The following CDH10 variants were observed in gnomAD, a reference collection of about 807,000 sequenced individuals.
The protein encoded by CDH10 is cadherin 10.
A neutral mutation model predicts 73.1 loss-of-function variants in CDH10; 30 were observed. That is an observed-to-expected ratio of 0.41 (90% CI 0.31 to 0.56). The LOEUF is 0.56. CDH10 is among the 20% of genes least tolerant of loss of function. CDH10 has a pLI of 0.27. For synonymous variants in CDH10, 345 were observed against 348.2 expected, an observed-to-expected ratio of 0.99 and a Z score of 0.10; for missense variants, 815 against 973.7, an observed-to-expected ratio of 0.84 and a Z score of 2.17.
chr5:24,634,905 T>A (rs1289520541), intron 1 of CDH10, among the ~76,000 whole-genome samples: 3 of 151,710 alleles, frequency 2.0e-5, no homozygotes, highest in Non-Finnish European at 4.4e-5. Flanking sequence ...CATATAAATG[T>A]ATATTTTATG....
chr5:24,546,836 T>C (rs963928150), intron 2 of CDH10, among the ~76,000 whole-genome samples: 1 of 152,136 alleles, frequency 6.6e-6, no homozygotes, highest in Admixed American at 6.6e-5. Flanking sequence ...TTATCTATTT[T>C]ATTTATTTAT....
chr5:24,546,859 A>G (rs948156217), intron 2 of CDH10, among the ~76,000 whole-genome samples: 5 of 152,266 alleles, frequency 3.3e-5, no homozygotes, highest in Admixed American at 6.5e-5. Context: ...AAGAAAATGG[A>G]CATCAGAGCC....
At chr5:24,519,419 G>T (rs1369360228) in intron 5 of CDH10, among the ~76,000 whole-genome samples, 12 of 152,086 alleles carry the variant, frequency 7.9e-5, no homozygotes, top group Non-Finnish European at 1.3e-4. Flanking sequence ...AAGACAATGT[G>T]CAGAAAGTTA....
intron 2 of CDH10, among the ~76,000 whole-genome samples, chr5:24,567,213 A>T: frequency 6.6e-6 from 1 of 152,100 alleles, no homozygotes; most frequent in Non-Finnish European, 1.5e-5. Flanking sequence ...ATTATCTAGG[A>T]CACTGACTAA....
intron 9 of CDH10, 74 bp downstream of exon 9, chr5:24,498,324 C>A (rs1220251460): frequency 2.1e-6 from 2 of 958,152 alleles, no homozygotes; most frequent in East Asian, 2.4e-5. Context: ...ATTCTTTCCT[C>A]TCAGGATTTT....
At chr5:24,605,712 G>C (rs1005872184) in intron 1 of CDH10, among the ~76,000 whole-genome samples, 11 of 152,130 alleles carry the variant, frequency 7.2e-5, no homozygotes, top group African/African-American at 2.7e-4. Flanking sequence ...TCCTACCCTA[G>C]GTACTTGTTG....
intron 7 of CDH10, among the ~76,000 whole-genome samples, chr5:24,507,459 T>A (rs2111738593): frequency 6.6e-6 from 1 of 151,666 alleles, no homozygotes; most frequent in East Asian, 1.9e-4. Flanking sequence ...TAGACTTGCA[T>A]CCTCATTAAC....
intron 2 of CDH10, among the ~76,000 whole-genome samples, chr5:24,576,060 C>T (rs188499262): frequency 2.6e-4 from 39 of 152,162 alleles, no homozygotes; most frequent in Admixed American, 2.6e-4. Context: ...TCCTACAAAC[C>T]TGCCAATAAC....
At chr5:24,575,437 T>C (rs1197884310) in intron 2 of CDH10, among the ~76,000 whole-genome samples, 2 of 149,866 alleles carry the variant, frequency 1.3e-5, no homozygotes, top group Admixed American at 6.6e-5. Context: ...ATTGTTTCCA[T>C]CTTTTACGAA....
chr5:24,637,498 T>C (rs867237460), intron 1 of CDH10, among the ~76,000 whole-genome samples: 2 of 151,894 alleles, frequency 1.3e-5, no homozygotes, highest in Non-Finnish European at 1.5e-5. Flanking sequence ...TAATTATAAA[T>C]ATCTCAGATT....
chr5:24,616,694 A>G (rs940877387), intron 1 of CDH10, among the ~76,000 whole-genome samples: 11 of 152,304 alleles, frequency 7.2e-5, no homozygotes, highest in African/African-American at 2.6e-4. Flanking sequence ...TCAGGCACTC[A>G]GATGCTTTCA....
chr5:24,515,679 T>G (rs1379925474), intron 5 of CDH10, among the ~76,000 whole-genome samples: 1 of 152,172 alleles, frequency 6.6e-6, no homozygotes, highest in Non-Finnish European at 1.5e-5. Context: ...GTCTCCTCAC[T>G]CTCCTGCAAT....
intron 2 of CDH10, among the ~76,000 whole-genome samples, chr5:24,565,738 C>T (rs890800713): frequency 6.6e-6 from 1 of 151,876 alleles, no homozygotes; most frequent in African/African-American, 2.4e-5. Flanking sequence ...AGAACTCTCG[C>T]TCTCTGTCTC....
chr5:24,568,201 A>G (rs1745233907), intron 2 of CDH10, among the ~76,000 whole-genome samples: 1 of 152,194 alleles, frequency 6.6e-6, no homozygotes, highest in Non-Finnish European at 1.5e-5. Context: ...GAGAGAAAAT[A>G]TTAATATTTT....
intron 2 of CDH10, among the ~76,000 whole-genome samples, chr5:24,538,880 A>G (rs1744055062): frequency 1.3e-5 from 2 of 152,090 alleles, no homozygotes; most frequent in Admixed American, 6.6e-5. Flanking sequence ...TTTGAGAAAC[A>G]TAAGAAGTGT....
At chr5:24,617,771 C>T (rs1356536747) in intron 1 of CDH10, among the ~76,000 whole-genome samples, 1 of 152,122 alleles carries the variant, frequency 6.6e-6, no homozygotes, top group Non-Finnish European at 1.5e-5. Flanking sequence ...TTGCTATGTG[C>T]CTCCCAGAGG....
intron 5 of CDH10, among the ~76,000 whole-genome samples, chr5:24,520,793 C>G (rs1743298446): frequency 6.6e-6 from 1 of 152,070 alleles, no homozygotes; most frequent in Non-Finnish European, 1.5e-5. Flanking sequence ...GTGGAGCCAT[C>G]TCAGCTTGCT....
intron 5 of CDH10, among the ~76,000 whole-genome samples, chr5:24,527,713 G>A (rs994343829): frequency 2.0e-5 from 3 of 151,798 alleles, no homozygotes; most frequent in Admixed American, 6.6e-5. Flanking sequence ...CTAATCTTAC[G>A]AGACCACCAT....
At chr5:24,514,148 A>G (rs752527807) in intron 5 of CDH10, among the ~76,000 whole-genome samples, 2 of 152,170 alleles carry the variant, frequency 1.3e-5, no homozygotes, top group Non-Finnish European at 2.9e-5. Context: ...CTAGTCTACT[A>G]GCTCCTATGC....
Sources: allele counts gnomAD v4.1 joint callset (sites outside exome capture counted in the v4.1 genomes callset), GRCh38; gene constraint gnomAD v4.1.1; transcripts MANE v1.5; gene names NCBI Gene and HGNC (gene_info 2026-07-23, HGNC 2026-07-21).